The following AHI1 variants were observed in gnomAD, a reference collection of about 807,000 sequenced individuals.
AHI1 encodes the protein Abelson helper integration site 1.
Under a neutral mutation model 149.3 loss-of-function variants are expected in AHI1, and 123 were observed. The observed-to-expected ratio is 0.82, with a 90% CI of 0.71 to 0.96. The LOEUF is 0.96. AHI1 is among the 40% of genes least tolerant of loss of function. AHI1 has a pLI of 0.00. For missense variants in AHI1, 1,439 were observed against 1,422.7 expected, an observed-to-expected ratio of 1.01 and a Z score of -0.18; for synonymous variants, 475 against 459.8, an observed-to-expected ratio of 1.03 and a Z score of -0.42.
chr6:135,399,700 T>C (rs184740748), intron 22 of AHI1, among the ~76,000 whole-genome samples: 51 of 152,040 alleles, frequency 3.4e-4, no homozygotes, highest in Middle Eastern at 3.4e-3. Context: ...CATCTCCTGA[T>C]CATTAAGTTC....
chr6:135,397,316 T>C (rs1204095383), intron 22 of AHI1, among the ~76,000 whole-genome samples: 1 of 151,944 alleles, frequency 6.6e-6, no homozygotes, highest in Non-Finnish European at 1.5e-5. Context: ...TTTTGAAATA[T>C]GTGCTGCGGA....
intron 24 of AHI1, among the ~76,000 whole-genome samples, chr6:135,356,897 G>T (rs1476847364): frequency 4.6e-5 from 7 of 152,060 alleles, no homozygotes; most frequent in Admixed American, 1.3e-4. Context: ...TGCTACTGAG[G>T]CATATATTAA....
chr6:135,429,282 T>C (rs936893061), intron 18 of AHI1, among the ~76,000 whole-genome samples: 7 of 151,630 alleles, frequency 4.6e-5, no homozygotes, highest in African/African-American at 1.7e-4. Context: ...CACGAAAAAA[T>C]AGTAAACACC....
At chr6:135,315,372 T>C (rs1158131295) in intron 26 of AHI1, among the ~76,000 whole-genome samples, 1 of 152,224 alleles carries the variant, frequency 6.6e-6, no homozygotes, top group East Asian at 1.9e-4. Context: ...TGTGATGCTA[T>C]GCCTCTACCT....
At chr6:135,375,715 A>AT (rs1275355861) in intron 23 of AHI1, among the ~76,000 whole-genome samples, 1 of 152,228 alleles carries the variant, frequency 6.6e-6, no homozygotes, top group Non-Finnish European at 1.5e-5. Flanking sequence ...TATAAACTTG[A>AT]TTTTGTAAAA....
At chr6:135,432,445 A>AGGGTTCAAG (rs1355624887) in intron 16 of AHI1, among the ~76,000 whole-genome samples, 1 of 152,060 alleles carries the variant, frequency 6.6e-6, no homozygotes, top group African/African-American at 2.4e-5. Flanking sequence ...CTCTACCTCC[A>AGGGTTCAAG]GGGTTCAAGC....
intron 3 of AHI1, among the ~76,000 whole-genome samples, chr6:135,495,122 C>A (rs1382486492): frequency 2.0e-5 from 3 of 152,152 alleles, no homozygotes; most frequent in African/African-American, 7.2e-5. Context: ...GACAAAAACA[C>A]TGTGGAAGGA....
chr6:135,462,987 T>A (rs1790159631), intron 8 of AHI1, 138 bp downstream of exon 8: 2 of 635,824 alleles, frequency 3.1e-6, no homozygotes, highest in South Asian at 5.7e-5. Context: ...TTAATCTAGA[T>A]GAATTCAAGA....
rs752866051 is a variant in AHI1 at position 135,459,786 on chromosome 6, A to ATTTG, written c.932-2077_932-2074dup. Among the ~76,000 whole-genome samples the ATTTG allele has an allele frequency of 2.6e-5, 4 of 151,522 alleles. No homozygotes were observed. The East Asian group carries it at 7.7e-4, about 29-fold the overall frequency. Reference sequence around the variant, plus strand: ...TTGATAATAAAGAGATTAAATCTTGATTTGTATCAAGGCAAGCAAAATGAT... The same window carrying ATTTG: ...TTGATAATAAAGAGATTAAATCTTGATTTGTTTGTATCAAGGCAAGCAAAATGAT... On this transcript the variant is annotated intron_variant, in intron 8 of 28. Coordinates refer to ENST00000265602, the MANE Select transcript of AHI1 (RefSeq NM_001134831.2).
At chr6:135,490,060 T>C (rs1297134398) in intron 5 of AHI1, 9 of 653,744 alleles carry the variant, frequency 1.4e-5, no homozygotes, top group East Asian at 1.1e-4. Context: ...ACAGACTCTT[T>C]ATGATTCCAA....
intron 5 of AHI1, among the ~76,000 whole-genome samples, chr6:135,480,441 G>C (rs921231425): frequency 6.6e-6 from 1 of 151,358 alleles, no homozygotes; most frequent in Non-Finnish European, 1.5e-5. Flanking sequence ...CTGAGTGACA[G>C]AGCAAGACCC....
chr6:135,430,563 T>C (rs1244717489), intron 17 of AHI1, among the ~76,000 whole-genome samples: 3 of 151,968 alleles, frequency 2.0e-5, no homozygotes, highest in Middle Eastern at 3.4e-3. Flanking sequence ...AGGTATAATA[T>C]GTTAGGCAGA....
chr6:135,442,674 G>T lies in AHI1; in HGVS notation c.1820C>A (p.Ala607Glu). The T allele has an allele frequency of 6.2e-7, 1 of 1,611,246 alleles. No individual in the cohort carries two copies. Among genetic ancestry groups the T allele is most frequent in the Non-Finnish European group, 8.5e-7 (1 of 1,178,500 alleles). ...AAGACAAAAACATCCTCGTTCTCCTGCATTTAGTGAGAAGAGGTGTTTGTT... is the reference window on the plus strand; with the variant it reads ...AAGACAAAAACATCCTCGTTCTCCTTCATTTAGTGAGAAGAGGTGTTTGTT... ...IPNKHLFSLNAGERGCFCLDF... is the reference protein window; with the variant it reads ...IPNKHLFSLNEGERGCFCLDF... Residue 607 changes from alanine to glutamate, a missense_variant, in exon 14 of 29, where the codon GCA becomes GAA. Transcript: ENST00000265602.
chr6:135,497,091 G>A (rs1796071644), intron 2 of AHI1, 97 bp downstream of exon 2: 1 of 152,126 alleles, frequency 6.6e-6, no homozygotes, highest in South Asian at 2.1e-4. Flanking sequence ...CTTTGATAAG[G>A]ATTCTTAAAT....
chr6:135,411,830 A>G (rs937982481), intron 20 of AHI1, among the ~76,000 whole-genome samples: 4 of 152,182 alleles, frequency 2.6e-5, no homozygotes, highest in South Asian at 2.1e-4. Context: ...ATAATACTAA[A>G]AAATCAAAGG....
chr6:135,488,019 TTC>T (rs1425294505), intron 5 of AHI1, among the ~76,000 whole-genome samples: 1 of 152,198 alleles, frequency 6.6e-6, no homozygotes, highest in East Asian at 1.9e-4. Context: ...GCTACAATTT[TTC>T]TCTTAGTGCT....
At chr6:135,328,631 T>C (rs1270189483) in intron 24 of AHI1, among the ~76,000 whole-genome samples, 1 of 152,100 alleles carries the variant, frequency 6.6e-6, no homozygotes, top group East Asian at 1.9e-4. Context: ...CCCTGAGATA[T>C]AATGGTATTG....
chr6:135,442,508 A>G, intron 14 of AHI1, 74 bp downstream of exon 14: 5 of 1,441,556 alleles, frequency 3.5e-6, no homozygotes, highest in Non-Finnish European at 4.6e-6. Context: ...TAAGATTTCC[A>G]TGAATTTAAA....
At chr6:135,358,761 CAT>C (rs1793392077) in intron 23 of AHI1, among the ~76,000 whole-genome samples, 1 of 152,130 alleles carries the variant, frequency 6.6e-6, no homozygotes, top group Non-Finnish European at 1.5e-5. Context: ...ATTCTTTTAT[CAT>C]GTGTGGATTT....
Sources: allele counts gnomAD v4.1 joint callset (sites outside exome capture counted in the v4.1 genomes callset), GRCh38; gene constraint gnomAD v4.1.1; transcripts MANE v1.5; gene names NCBI Gene and HGNC (gene_info 2026-07-23, HGNC 2026-07-21).